The following NIBAN1 variants were observed in gnomAD, a reference collection of about 807,000 sequenced individuals.
The protein encoded by NIBAN1 is niban apoptosis regulator 1.
A neutral mutation model predicts 75.1 loss-of-function variants in NIBAN1; 81 were observed. The observed-to-expected ratio is 1.08, with a 90% confidence interval of 0.90 to 1.30. NIBAN1 has a LOEUF of 1.30. Ranked by LOEUF, NIBAN1 falls within the 50% of genes most tolerant of loss-of-function variation. NIBAN1 has a pLI of 0.00. For missense variants in NIBAN1, 1,133 were observed against 1,128.1 expected, an observed-to-expected ratio of 1.00 and a Z score of -0.06; for synonymous variants, 436 against 424.8, an observed-to-expected ratio of 1.03 and a Z score of -0.32.
At chr1:184,897,585 T>C (rs949233995) in intron 2 of NIBAN1, among the ~76,000 whole-genome samples, 2 of 152,108 alleles carry the variant, frequency 1.3e-5, no homozygotes, top group Non-Finnish European at 2.9e-5. Context: ...TCTTCCAAAT[T>C]TCTATTCTCC....
chr1:184,824,614 G>A (rs921733084), intron 6 of NIBAN1, among the ~76,000 whole-genome samples: 7 of 152,218 alleles, frequency 4.6e-5, no homozygotes, highest in African/African-American at 1.4e-4. Context: ...GAAAGCTGAC[G>A]ATGCTGGAGA....
intron 5 of NIBAN1, among the ~76,000 whole-genome samples, chr1:184,872,746 A>G (rs1557895525): frequency 1.3e-5 from 2 of 151,966 alleles, no homozygotes; most frequent in Non-Finnish European, 2.9e-5. Context: ...TGAGGAAGAT[A>G]GACTATCTAA....
At chr1:184,893,967 T>C (rs374303087) in intron 3 of NIBAN1, 108 bp downstream of exon 3, 6 of 1,145,304 alleles carry the variant, frequency 5.2e-6, no homozygotes, top group Non-Finnish European at 6.1e-6. Flanking sequence ...ACCAGTACCA[T>C]GCTGATTTTG....
chr1:184,960,292 A>G (rs2102077270), intron 1 of NIBAN1, among the ~76,000 whole-genome samples: 1 of 152,248 alleles, frequency 6.6e-6, no homozygotes, highest in Non-Finnish European at 1.5e-5. Context: ...CAAGGCACCA[A>G]TTGTATTTTC....
chr1:184,795,520 CTCT>C lies in NIBAN1; in HGVS notation c.2241_2243del (p.Glu749del), dbSNP rs770437163. 3.5e-5 allele frequency: 56 copies of C among 1,612,892 alleles called. No individual in the cohort carries two copies. The highest frequency in any genetic ancestry group is 8.0e-5 in the African/African-American group (6 of 74,686). ...CAGCTGCCTGACTGGGCTCTTTTTC[CTCT>C]TCTTCTTCATTTTCTTGGGGAACGT... On this transcript the variant is annotated inframe_deletion, in exon 14 of 14. Coordinates refer to ENST00000367511, the MANE Select transcript of NIBAN1 (RefSeq NM_052966.4).
At position 184,823,652 on chromosome 1, in the gene NIBAN1, T is replaced by C; in HGVS notation, c.808A>G (p.Arg270Gly). 6.2e-7 allele frequency: 1 copy of C among 1,614,202 alleles called. No homozygotes were observed. The highest frequency in any genetic ancestry group is 1.3e-5 in the African/African-American group (1 of 75,068). ...KMKGKKNDRK[R>G]TWLGLLEEAY... ...CCATTGCTTACACCAAGCCACGTCCTCTTTCTGTCATTCTTCTTCCCCTTC... is the reference window on the plus strand; with the variant it reads ...CCATTGCTTACACCAAGCCACGTCCCCTTTCTGTCATTCTTCTTCCCCTTC... Residue 270 changes from arginine to glycine, a missense_variant, in exon 7 of 14, where the codon AGG becomes GGG. By Grantham distance (125) the Arg-to-Gly change is moderately radical. Transcript: ENST00000367511.
intron 5 of NIBAN1, among the ~76,000 whole-genome samples, chr1:184,883,687 G>A (rs564176774): frequency 5.3e-5 from 8 of 152,264 alleles, no homozygotes; most frequent in Non-Finnish European, 2.9e-5. Context: ...AGTGCCACTC[G>A]GCCGTGTGCT....
chr1:184,962,335 G>C (rs1396783057), intron 1 of NIBAN1, among the ~76,000 whole-genome samples: 1 of 152,150 alleles, frequency 6.6e-6, no homozygotes, highest in African/African-American at 2.4e-5. Context: ...TATTTGGTAT[G>C]ATAAAGCAAA....
intron 2 of NIBAN1, 123 bp from the exon 3 acceptor site, chr1:184,894,329 A>G: frequency 2.8e-6 from 3 of 1,068,374 alleles, no homozygotes; most frequent in Non-Finnish European, 1.3e-6. Flanking sequence ...ATCCTGGGGA[A>G]ACTGTTGCTT....
chr1:184,873,123 C>T (rs1314849984), intron 5 of NIBAN1, among the ~76,000 whole-genome samples: 1 of 152,104 alleles, frequency 6.6e-6, no homozygotes, highest in Admixed American at 6.6e-5. Flanking sequence ...ATTTCATATG[C>T]AGTGAAAGTA....
chr1:184,874,615 T>C (rs1030658482), intron 5 of NIBAN1, among the ~76,000 whole-genome samples: 2 of 152,076 alleles, frequency 1.3e-5, no homozygotes, highest in Non-Finnish European at 2.9e-5. Context: ...TACACACATA[T>C]ACATGTGTAG....
At chr1:184,804,487 G>T (rs550538767) in intron 11 of NIBAN1, among the ~76,000 whole-genome samples, 17 of 152,276 alleles carry the variant, frequency 1.1e-4, no homozygotes, top group Admixed American at 2.0e-4. Context: ...TTGCTGTCAA[G>T]AACTAAAATG....
rs971287350 is a variant in NIBAN1 at position 184,794,632 on chromosome 1, T to C, written c.*345A>G. On this transcript the variant is annotated 3_prime_UTR_variant, in exon 14 of 14. Coordinates refer to ENST00000367511, the MANE Select transcript of NIBAN1 (RefSeq NM_052966.4). ...TAAAGTGCACAAGAAGATTGCACAA[T>C]TGAAAAGTGCAGAGTATACTCAAAA... The C allele has an allele frequency of 5.8e-5, 22 of 379,514 alleles. No homozygotes were observed. Among genetic ancestry groups the C allele is most frequent in the Middle Eastern group, 8.4e-4 (1 of 1,194 alleles). 23.5% of individuals were successfully genotyped at this position (379,514 alleles called of 1,614,324 possible). A position where few individuals can be genotyped will look rare whatever the true frequency, so the allele number is the denominator to read the frequency against.
chr1:184,965,575 A>C (rs1658761800), intron 1 of NIBAN1, among the ~76,000 whole-genome samples: 1 of 152,190 alleles, frequency 6.6e-6, no homozygotes, highest in African/African-American at 2.4e-5. Context: ...CTCACTGCTG[A>C]GTGAGCGCTA....
At chr1:184,892,585 A>G (rs1656696784) in intron 3 of NIBAN1, among the ~76,000 whole-genome samples, 2 of 152,036 alleles carry the variant, frequency 1.3e-5, no homozygotes. Flanking sequence ...ATAAATGTTG[A>G]AAAGAGTAAG....
chr1:184,873,863 A>G (rs1242272957), intron 5 of NIBAN1, among the ~76,000 whole-genome samples: 1 of 151,838 alleles, frequency 6.6e-6, no homozygotes, highest in Non-Finnish European at 1.5e-5. Flanking sequence ...AGAACCTAAG[A>G]GAGTATAGTA....
Position 184,805,773 on chromosome 1 carries a change from G to T in NIBAN1, c.1446+173C>A. The T allele has an allele frequency of 1.8e-5, 11 of 605,684 alleles. 1 individual carries two copies. The South Asian group carries it at 2.2e-4, about 12-fold the overall frequency. The allele number at this position is 605,684 out of a possible 1,614,324, so 37.5% of individuals were successfully genotyped here. On this transcript the variant is annotated intron_variant, in intron 11 of 13. Coordinates refer to ENST00000367511, the MANE Select transcript of NIBAN1 (RefSeq NM_052966.4). ...CAGTGGCCGCTAGATGGCAGAAGAGGCATGGAAGTCACACTGGAGAAACTG... is the reference window on the plus strand; with the variant it reads ...CAGTGGCCGCTAGATGGCAGAAGAGTCATGGAAGTCACACTGGAGAAACTG...
chr1:184,932,306 A>T (rs1657843731), intron 1 of NIBAN1, among the ~76,000 whole-genome samples: 1 of 152,230 alleles, frequency 6.6e-6, no homozygotes, highest in African/African-American at 2.4e-5. Context: ...ATGTACAATT[A>T]GTGGAAGCCC....
At chr1:184,860,027 A>C (rs1199887621) in intron 5 of NIBAN1, among the ~76,000 whole-genome samples, 4 of 152,216 alleles carry the variant, frequency 2.6e-5, no homozygotes, top group Non-Finnish European at 5.9e-5. Context: ...GGAAGTGGTC[A>C]TGTCCATGCA....
Sources: allele counts gnomAD v4.1 joint callset (sites outside exome capture counted in the v4.1 genomes callset), GRCh38; gene constraint gnomAD v4.1.1; transcripts MANE v1.5; gene names NCBI Gene and HGNC (gene_info 2026-07-23, HGNC 2026-07-21).